Variants in MAF observed in about 807,000 individuals in gnomAD.
MAF encodes the protein transcription factor Maf.
A neutral mutation model predicts 22.0 loss-of-function variants in MAF; 10 were observed. The ratio of observed to expected loss-of-function variants is 0.45; its 90% CI spans 0.28 to 0.77. MAF has a LOEUF of 0.77. Among genes scored for constraint, MAF ranks in the 30% least tolerant of loss-of-function variants. The pLI is 0.12. For synonymous variants in MAF, 337 were observed against 255.8 expected, an observed-to-expected ratio of 1.32 and a Z score of -3.03; for missense variants, 544 against 548.4, an observed-to-expected ratio of 0.99 and a Z score of 0.08.
chr16:79,297,671 A>T, the MAF span, among the ~76,000 whole-genome samples: 7 of 152,194 alleles, frequency 4.6e-5, no homozygotes, highest in Non-Finnish European at 8.8e-5. Context: ...GCACTCAGTA[A>T]ACACTACCAT....
the MAF span, among the ~76,000 whole-genome samples, chr16:79,419,225 G>C: frequency 2.6e-5 from 4 of 152,126 alleles, no homozygotes; most frequent in African/African-American, 9.7e-5. Context: ...CAGCAGTTTT[G>C]GCTCCCAGCA....
At chr16:79,503,439 A>G in the MAF span, among the ~76,000 whole-genome samples, 1 of 152,250 alleles carries the variant, frequency 6.6e-6, no homozygotes, top group Non-Finnish European at 1.5e-5. Context: ...AAATTAAAGT[A>G]CATAAAATTC....
chr16:79,502,162 C>A, the MAF span, among the ~76,000 whole-genome samples: 1 of 151,978 alleles, frequency 6.6e-6, no homozygotes, highest in Admixed American at 6.5e-5. Flanking sequence ...GCCAGAAGGA[C>A]TCAGAAAGGT....
the MAF span, among the ~76,000 whole-genome samples, chr16:79,286,407 C>A: frequency 6.6e-6 from 1 of 152,124 alleles, no homozygotes; most frequent in Non-Finnish European, 1.5e-5. Flanking sequence ...AAAGTTGGCC[C>A]CACCATCAAG....
rs1194456867 is a variant in MAF at position 79,593,904 on chromosome 16, C to A, written c.*556G>T. 1 of 193,720 alleles carries A rather than the reference C, an allele frequency of 5.2e-6. No individual in the cohort carries two copies. The highest frequency in any genetic ancestry group is 1.1e-5 in the Non-Finnish European group (1 of 93,040). 12.0% of individuals were successfully genotyped at this position (193,720 alleles called of 1,614,324 possible). Reference sequence around the variant, plus strand: ...TTTACAGCTATGTCTGACAAATGAGCACGTTTGACATCACTGATAAATGCA... The same window carrying A: ...TTTACAGCTATGTCTGACAAATGAGAACGTTTGACATCACTGATAAATGCA... On this transcript the variant is annotated 3_prime_UTR_variant, in exon 2 of 2. Coordinates refer to ENST00000326043, the MANE Select transcript of MAF (RefSeq NM_005360.5).
the MAF span, among the ~76,000 whole-genome samples, chr16:79,223,442 A>T: frequency 1.3e-5 from 2 of 152,228 alleles, no homozygotes; most frequent in Non-Finnish European, 2.9e-5. Flanking sequence ...CTAACATCAC[A>T]ATTAAAAGAA....
chr16:79,390,464 G>A, the MAF span, among the ~76,000 whole-genome samples: 2 of 151,934 alleles, frequency 1.3e-5, no homozygotes, highest in Non-Finnish European at 2.9e-5. Flanking sequence ...ATGATTTTTC[G>A]GAACATAATT....
the MAF span, among the ~76,000 whole-genome samples, chr16:79,519,497 C>A: frequency 2.0e-5 from 3 of 152,302 alleles, no homozygotes; most frequent in South Asian, 6.2e-4. Context: ...TTTCCACCTT[C>A]AAGCACGAAG....
At chr16:79,372,654 C>A in the MAF span, among the ~76,000 whole-genome samples, 1 of 152,140 alleles carries the variant, frequency 6.6e-6, no homozygotes, top group African/African-American at 2.4e-5. Flanking sequence ...CCCCAGCAGG[C>A]TCCATCCGTG....
the MAF span, among the ~76,000 whole-genome samples, chr16:79,527,872 T>C: frequency 1.3e-5 from 2 of 152,158 alleles, no homozygotes; most frequent in African/African-American, 4.8e-5. Context: ...CTTGGCATGG[T>C]GGCTCACACC....
At chr16:79,560,971 T>C in the MAF span, among the ~76,000 whole-genome samples, 1 of 152,236 alleles carries the variant, frequency 6.6e-6, no homozygotes, top group East Asian at 1.9e-4. Flanking sequence ...CTACCCATCC[T>C]TGCCTAGGGG....
At chr16:79,203,993 A>C in the MAF span, 1 of 152,204 alleles carries the variant, frequency 6.6e-6, no homozygotes, top group South Asian at 2.1e-4. Flanking sequence ...ACGGGCATCA[A>C]GGTGGCCCAG....
the MAF span, among the ~76,000 whole-genome samples, chr16:79,353,182 C>T: frequency 4.6e-5 from 7 of 151,720 alleles, no homozygotes; most frequent in African/African-American, 7.3e-5. Context: ...AGAGCAGCTG[C>T]GCAATCTCAG....
the MAF span, among the ~76,000 whole-genome samples, chr16:79,458,004 C>G: frequency 1.3e-5 from 2 of 151,748 alleles, no homozygotes; most frequent in Non-Finnish European, 2.9e-5. Flanking sequence ...TTTAACTGCT[C>G]ATTAGAGATA....
chr16:79,404,578 C>G, the MAF span, among the ~76,000 whole-genome samples: 1 of 152,128 alleles, frequency 6.6e-6, no homozygotes, highest in Non-Finnish European at 1.5e-5. Context: ...TGGGGTGCCG[C>G]AGAGTCAATG....
At chr16:79,296,593 A>G in the MAF span, among the ~76,000 whole-genome samples, 1 of 152,048 alleles carries the variant, frequency 6.6e-6, no homozygotes, top group Admixed American at 6.6e-5. Context: ...TCCTAGTTAC[A>G]GTATATTTAC....
the MAF span, among the ~76,000 whole-genome samples, chr16:79,546,010 C>T: frequency 2.0e-5 from 3 of 151,894 alleles, no homozygotes; most frequent in Admixed American, 2.0e-4. Flanking sequence ...AAACATTATA[C>T]ACCATAAATA....
chr16:79,539,722 T>C, the MAF span, among the ~76,000 whole-genome samples: 1 of 152,202 alleles, frequency 6.6e-6, no homozygotes, highest in African/African-American at 2.4e-5. Context: ...AAGTATAATA[T>C]TCTGCAGCTT....
the MAF span, among the ~76,000 whole-genome samples, chr16:79,501,364 A>G: frequency 2.6e-5 from 4 of 152,076 alleles, no homozygotes; most frequent in Non-Finnish European, 5.9e-5. Context: ...AATTAATTAC[A>G]TCTGCAACAA....
Sources: allele counts gnomAD v4.1 joint callset (sites outside exome capture counted in the v4.1 genomes callset), GRCh38; gene constraint gnomAD v4.1.1; transcripts MANE v1.5; gene names NCBI Gene and HGNC (gene_info 2026-07-23, HGNC 2026-07-21).